PDE4D: variants seen among roughly 807,000 people sequenced by gnomAD.
PDE4D encodes the protein phosphodiesterase 4D, also known as 3',5'-cyclic-AMP phosphodiesterase 4D.
PDE4D carries 24 observed loss-of-function variants against 87.4 expected under a neutral mutation model. That is an observed-to-expected ratio of 0.27 (90% CI 0.20 to 0.39). The LOEUF (loss-of-function observed/expected upper bound fraction) is 0.39, where lower values mean the gene tolerates loss of function less well. Ranked by LOEUF, PDE4D falls within the 10% of genes least tolerant of loss-of-function variation. The pLI, the probability that PDE4D is intolerant of heterozygous loss-of-function variation, is 1.00. For missense variants in PDE4D, 714 were observed against 1,041.0 expected (o/e 0.69, Z 4.32); for synonymous variants, 384 against 383.2 (o/e 1.00, Z -0.02).
chr5:59,203,004 A>C (rs1435312087), intron 2 of PDE4D, among the ~76,000 whole-genome samples: 3 of 152,198 alleles, frequency 2.0e-5, no homozygotes, highest in Non-Finnish European at 2.9e-5. Flanking sequence ...TGGCAAAAAA[A>C]CAAATAACCT....
intron 2 of PDE4D, among the ~76,000 whole-genome samples, chr5:60,090,543 T>C (rs1177060488): frequency 6.6e-6 from 1 of 152,042 alleles, no homozygotes; most frequent in Non-Finnish European, 1.5e-5. Flanking sequence ...ACAATAAAGA[T>C]CTTACATGAC....
At chr5:59,254,561 C>T (rs1245200693) in intron 1 of PDE4D, among the ~76,000 whole-genome samples, 4 of 152,044 alleles carry the variant, frequency 2.6e-5, no homozygotes, top group Non-Finnish European at 4.4e-5. Context: ...GGTCAAGAAG[C>T]CCCTGGCCTG....
chr5:59,762,228 A>G (rs912773565), intron 1 of PDE4D, among the ~76,000 whole-genome samples: 1 of 145,854 alleles, frequency 6.9e-6, no homozygotes, highest in Non-Finnish European at 1.5e-5. Flanking sequence ...ATGGGTACAC[A>G]TATGCGTATA....
intron 6 of PDE4D, among the ~76,000 whole-genome samples, chr5:59,023,040 T>C (rs1449290536): frequency 2.0e-5 from 3 of 151,696 alleles, no homozygotes; most frequent in Non-Finnish European, 2.9e-5. Context: ...CCAGGCGTGG[T>C]GGCAGGCGCC....
At chr5:60,345,610 C>G (rs1758688742) in intron 1 of PDE4D, among the ~76,000 whole-genome samples, 1 of 150,962 alleles carries the variant, frequency 6.6e-6, no homozygotes. Context: ...AGTTTTCCTT[C>G]ATCATTTAAA....
At chr5:60,243,690 C>G (rs956246712) in intron 1 of PDE4D, among the ~76,000 whole-genome samples, 3 of 151,820 alleles carry the variant, frequency 2.0e-5, no homozygotes, top group Non-Finnish European at 4.4e-5. Context: ...TAGATCATAT[C>G]AACAGAATGA....
At chr5:59,943,865 T>A (rs1210730911) in intron 3 of PDE4D, among the ~76,000 whole-genome samples, 7 of 152,132 alleles carry the variant, frequency 4.6e-5, no homozygotes, top group Non-Finnish European at 1.0e-4. Flanking sequence ...AACCGTGCAG[T>A]TAGAGGAGTG....
intron 6 of PDE4D, among the ~76,000 whole-genome samples, chr5:59,023,901 C>CTTTTT (rs200528506): frequency 1.5e-5 from 2 of 133,270 alleles, no homozygotes; most frequent in Non-Finnish European, 1.6e-5. Flanking sequence ...ATGAATTCTA[C>CTTTTT]TTTTTTTTTT....
intron 11 of PDE4D, among the ~76,000 whole-genome samples, chr5:58,981,377 T>C (rs2153318910): frequency 6.6e-6 from 1 of 152,260 alleles, no homozygotes; most frequent in Non-Finnish European, 1.5e-5. Context: ...AGTTTTTGAG[T>C]AATGTTTACT....
At chr5:59,914,519 C>CA (rs1297799705) in intron 3 of PDE4D, among the ~76,000 whole-genome samples, 1 of 150,286 alleles carries the variant, frequency 6.7e-6, no homozygotes, top group Non-Finnish European at 1.5e-5. Flanking sequence ...TCAGAAAAGA[C>CA]AAAGCCAGGA....
chr5:59,752,501 G>A, intron 1 of PDE4D, among the ~76,000 whole-genome samples: 1 of 152,106 alleles, frequency 6.6e-6, no homozygotes, highest in East Asian at 1.9e-4. Flanking sequence ...ACTGTGCTAG[G>A]TGCTAGGGAT....
chr5:60,046,274 A>G (rs567440659), intron 2 of PDE4D, among the ~76,000 whole-genome samples: 12 of 152,254 alleles, frequency 7.9e-5, no homozygotes, highest in East Asian at 7.7e-4. Flanking sequence ...GGGCTGAGAC[A>G]ATGGGGTTTT....
At chr5:59,957,821 A>T (rs1176110572) in intron 3 of PDE4D, among the ~76,000 whole-genome samples, 1 of 152,020 alleles carries the variant, frequency 6.6e-6, no homozygotes, top group East Asian at 1.9e-4. Flanking sequence ...ATATTTTGAG[A>T]CTTAGAATTT....
At chr5:59,389,173 G>A (rs1257748037) in intron 1 of PDE4D, among the ~76,000 whole-genome samples, 1 of 151,952 alleles carries the variant, frequency 6.6e-6, no homozygotes, top group African/African-American at 2.4e-5. Flanking sequence ...CCCAAAAAGT[G>A]ATAGACCCCT....
chr5:59,561,008 A>G (rs1819882256), intron 1 of PDE4D: 1 of 152,288 alleles, frequency 6.6e-6, no homozygotes, highest in Non-Finnish European at 1.5e-5. Context: ...ACATTTCAAA[A>G]CTGTTCACCA....
chr5:59,521,021 C>T lies in PDE4D; in HGVS notation c.456-305053G>A, dbSNP rs181619991. Reference sequence around the variant, plus strand: ...TATAGATATACAAGGATCATTTATACTCCTAGGATGAAGAGACATGCATCA... The same window carrying T: ...TATAGATATACAAGGATCATTTATATTCCTAGGATGAAGAGACATGCATCA... On this transcript the variant is annotated intron_variant, in intron 1 of 14. Transcript: ENST00000340635. 1.8e-3 allele frequency among the ~76,000 whole-genome samples: 279 copies of T among 151,806 alleles called. 1 individual carries two copies. The highest frequency in any genetic ancestry group is 6.5e-3 in the African/African-American group (269 of 41,372).
chr5:60,107,547 C>T (rs1392948181), intron 2 of PDE4D, among the ~76,000 whole-genome samples: 2 of 152,098 alleles, frequency 1.3e-5, no homozygotes, highest in Non-Finnish European at 2.9e-5. Flanking sequence ...CAGGCAGAGA[C>T]ACAACCAAAA....
intron 1 of PDE4D, among the ~76,000 whole-genome samples, chr5:59,594,881 A>G (rs1826448663): frequency 6.6e-6 from 1 of 152,190 alleles, no homozygotes; most frequent in Non-Finnish European, 1.5e-5. Flanking sequence ...TATATGTTTT[A>G]GAGATAATGA....
chr5:60,378,541 A>G (rs1386539388), intron 1 of PDE4D, among the ~76,000 whole-genome samples: 2 of 152,122 alleles, frequency 1.3e-5, no homozygotes, highest in African/African-American at 4.8e-5. Flanking sequence ...AAATAGAAAC[A>G]TAAGTAAAAT....
Sources: allele counts gnomAD v4.1 joint callset (sites outside exome capture counted in the v4.1 genomes callset), GRCh38; gene constraint gnomAD v4.1.1; transcripts MANE v1.5; gene names NCBI Gene and HGNC (gene_info 2026-07-23, HGNC 2026-07-21).